DNAAF9: variants seen among roughly 807,000 people sequenced by gnomAD.
The protein encoded by DNAAF9 is shulin.
In DNAAF9, 90 loss-of-function variants were observed where a neutral mutation model predicts 167.0. The observed-to-expected ratio is 0.54, with a 90% confidence interval of 0.45 to 0.64. The LOEUF (loss-of-function observed/expected upper bound fraction) is 0.64. DNAAF9 is among the 30% of genes least tolerant of loss of function. DNAAF9 has a pLI of 0.00. For missense variants in DNAAF9, 1,315 were observed against 1,442.2 expected (o/e 0.91, Z 1.43); for synonymous variants, 491 against 508.8 (o/e 0.96, Z 0.47).
intron 1 of DNAAF9, among the ~76,000 whole-genome samples, chr20:3,394,621 C>T (rs561934376): frequency 2.0e-5 from 3 of 152,028 alleles, no homozygotes; most frequent in Non-Finnish European, 2.9e-5. Flanking sequence ...TTTTTACTTT[C>T]GTGAAGCAGG....
intron 31 of DNAAF9, among the ~76,000 whole-genome samples, chr20:3,261,103 G>A (rs113177113): frequency 0.022 from 3,319 of 152,094 alleles, 46 homozygotes; most frequent in African/African-American, 0.028. Flanking sequence ...GTGCAGTGGT[G>A]TGATCATAGC....
intron 21 of DNAAF9, among the ~76,000 whole-genome samples, chr20:3,302,548 T>A (rs552137000): frequency 2.0e-4 from 30 of 152,322 alleles, no homozygotes; most frequent in African/African-American, 7.2e-4. Context: ...GTTTTTGCAT[T>A]ACTAATTAGT....
chr20:3,310,388 A>AGAAAGAAAGAAAGAAAGAAAGAAT (rs1491207193), intron 20 of DNAAF9, among the ~76,000 whole-genome samples: 11 of 151,116 alleles, frequency 7.3e-5, no homozygotes, highest in African/African-American at 9.8e-5. Context: ...AAAGAAAGAA[A>AGAAAGAAAGAAAGAAAGAAAGAAT]GAATTCCTAA....
chr20:3,304,725 G>A (rs1469485534), intron 20 of DNAAF9, among the ~76,000 whole-genome samples, 182 bp from the exon 21 acceptor site: 1 of 152,174 alleles, frequency 6.6e-6, no homozygotes, highest in South Asian at 2.1e-4. Context: ...GCCTCAGAGG[G>A]AAATGAGGCA....
chr20:3,318,159 G>A (rs2069541686), intron 17 of DNAAF9, 130 bp downstream of exon 17: 1 of 485,960 alleles, frequency 2.1e-6, no homozygotes, highest in Non-Finnish European at 3.7e-6. Context: ...CTGGAGTGCA[G>A]TGCTGTGATC....
rs2068257349 is a variant in DNAAF9 at position 3,255,224 on chromosome 20, T to A, written c.3322A>T (p.Ile1108Phe). 4 of 1,548,846 alleles carry A rather than the reference T, an allele frequency of 2.6e-6. No homozygotes were observed. The highest frequency in any genetic ancestry group is 3.5e-6 in the Non-Finnish European group (4 of 1,144,602). ...GMLTQQEIRS[I>F]HVKRHLEPLP... The stretch of plus-strand genomic sequence containing the variant: ...AGCCAGGGCAAGGCACTCACGTGGA[T>A]GCTCCTGATCTCCTGTTGCGTCAGC... The change falls in exon 35 of 37, where the codon ATC (isoleucine) becomes TTC (phenylalanine). Residue 1108 changes from isoleucine (I) to phenylalanine (F), a missense_variant. By Grantham distance (21) the Ile-to-Phe change is conservative. This residue lies in a region of DNAAF9 where 334 missense variants were observed against 429.7 expected (regional missense o/e 0.78). Coordinates refer to ENST00000252032, the MANE Select transcript of DNAAF9 (RefSeq NM_001009984.3).
Position 3,249,551 on chromosome 20 carries a change from ATAT to A in DNAAF9, c.*3018_*3020del, listed in dbSNP as rs1392367123. 1 of 152,236 alleles carries A rather than the reference ATAT, an allele frequency of 6.6e-6. No individual in the cohort carries two copies. The highest frequency in any genetic ancestry group is 1.5e-5 in the Non-Finnish European group (1 of 68,042). The allele number at this position is 152,236 out of a possible 1,614,324, so 9.4% of individuals were successfully genotyped here. On this transcript the variant is annotated 3_prime_UTR_variant, in exon 37 of 37. Coordinates refer to ENST00000252032, the MANE Select transcript of DNAAF9 (RefSeq NM_001009984.3). ...ACGAGTTTTAAAATTTAAGTTACAA[ATAT>A]TAAAGCACTGAAAAACTAGTATAAA...
chr20:3,253,672 C>T, intron 36 of DNAAF9, 54 bp downstream of exon 36: 2 of 1,086,216 alleles, frequency 1.8e-6, no homozygotes, highest in Non-Finnish European at 1.4e-6. Flanking sequence ...GGGTCACACA[C>T]TCCCAGCCTC....
intron 25 of DNAAF9, among the ~76,000 whole-genome samples, chr20:3,291,750 C>A (rs1353142417): frequency 6.6e-6 from 1 of 152,180 alleles, no homozygotes; most frequent in Non-Finnish European, 1.5e-5. Flanking sequence ...CTGCCCACAT[C>A]AGCACAGAGA....
chr20:3,315,614 G>T lies in DNAAF9; in HGVS notation c.1590+121C>A. 1 of 794,864 alleles carries T rather than the reference G, an allele frequency of 1.3e-6. No homozygotes were observed. Among genetic ancestry groups the T allele is most frequent in the Non-Finnish European group, 2.2e-6 (1 of 456,116 alleles). The allele number at this position is 794,864 out of a possible 1,614,324, so 49.2% of individuals were successfully genotyped here. Reference sequence around the variant, plus strand: ...AAGGGGAGGAATGCAAATAGGAAGTGAAGACAACATAGTGCAAGTCTTTTA... The same window carrying T: ...AAGGGGAGGAATGCAAATAGGAAGTTAAGACAACATAGTGCAAGTCTTTTA... On this transcript the variant is annotated intron_variant, in intron 19 of 36. Coordinates refer to ENST00000252032, the MANE Select transcript of DNAAF9 (RefSeq NM_001009984.3). The surrounding 1 kb of genome is among the most constrained non-coding windows in gnomAD (Gnocchi z 4.1).
At chr20:3,290,615 T>C (rs2068934091) in intron 25 of DNAAF9, among the ~76,000 whole-genome samples, 1 of 152,130 alleles carries the variant, frequency 6.6e-6, no homozygotes, top group Non-Finnish European at 1.5e-5. Context: ...TATGACTTTT[T>C]TTCCCAGTAG....
chr20:3,317,698 G>GT, intron 17 of DNAAF9, among the ~76,000 whole-genome samples: 1 of 152,132 alleles, frequency 6.6e-6, no homozygotes, highest in East Asian at 1.9e-4. Flanking sequence ...CTAGGTTCAA[G>GT]TGATTCTCCT....
intron 10 of DNAAF9, among the ~76,000 whole-genome samples, chr20:3,340,129 C>T (rs1282827309): frequency 6.6e-6 from 1 of 152,146 alleles, no homozygotes; most frequent in African/African-American, 2.4e-5. Context: ...GGCTTCTGTC[C>T]TTAAATGTTA....
rs1030325892 is a variant in DNAAF9, at chr20:3,291,640, C to G, written c.2239-1423G>C. On this transcript the variant is annotated intron_variant, in intron 25 of 36. Coordinates refer to ENST00000252032, the MANE Select transcript of DNAAF9 (RefSeq NM_001009984.3). ...TTACAGGCGTGAGCCACCAGCCCAG[C>G]CTGTTAAGTTTTATTTCACAATACA... Among the ~76,000 whole-genome samples the G allele has an allele frequency of 3.9e-5, 6 of 152,052 alleles. No homozygotes were observed. The East Asian group carries it at 1.2e-3, about 29-fold the overall frequency.
chr20:3,361,795 T>C, intron 6 of DNAAF9: 1 of 1,236,364 alleles, frequency 8.1e-7, no homozygotes, highest in Non-Finnish European at 1.1e-6. Context: ...ACAAGACATA[T>C]CTAGAAAATT....
intron 11 of DNAAF9, among the ~76,000 whole-genome samples, chr20:3,331,239 T>C (rs1180070092): frequency 6.6e-6 from 1 of 152,178 alleles, no homozygotes. Flanking sequence ...TGTGGAATCT[T>C]AGGTTCTGGA....
chr20:3,393,092 G>A (rs2083848135), intron 1 of DNAAF9, among the ~76,000 whole-genome samples: 1 of 152,070 alleles, frequency 6.6e-6, no homozygotes, highest in South Asian at 2.1e-4. Context: ...TTAGTACATA[G>A]AACCAAATCT....
intron 1 of DNAAF9, among the ~76,000 whole-genome samples, chr20:3,400,361 A>G (rs890470103): frequency 6.6e-6 from 1 of 152,012 alleles, no homozygotes; most frequent in Non-Finnish European, 1.5e-5. Flanking sequence ...AAGTTTACTA[A>G]GTAAACAAAT....
intron 22 of DNAAF9, 45 bp downstream of exon 22, chr20:3,297,984 G>T: frequency 6.7e-7 from 1 of 1,497,420 alleles, no homozygotes; most frequent in South Asian, 1.1e-5. Flanking sequence ...TTGCTAGGGG[G>T]AAAAAAAAGT....
Sources: allele counts gnomAD v4.1 joint callset (sites outside exome capture counted in the v4.1 genomes callset), GRCh38; gene constraint gnomAD v4.1.1; regional missense constraint gnomAD v4.1.1; non-coding constraint Gnocchi (gnomAD v3.1); transcripts MANE v1.5; gene names NCBI Gene and HGNC (gene_info 2026-07-23, HGNC 2026-07-21).